The following XIRP2 variants were observed in gnomAD, a reference collection of about 807,000 sequenced individuals.
XIRP2 encodes the protein xin actin-binding repeat-containing protein 2.
Under a neutral mutation model 277.0 loss-of-function variants are expected in XIRP2, and 236 were observed. The ratio of observed to expected loss-of-function variants is 0.85; its 90% CI spans 0.77 to 0.95. The LOEUF is 0.95. Among genes scored for constraint, XIRP2 ranks in the 40% least tolerant of loss-of-function variants. XIRP2 has a pLI of 0.00. For missense variants in XIRP2, 4,640 were observed against 4,157.5 expected (o/e 1.12, Z -3.19); for synonymous variants, 1,490 against 1,416.5 (o/e 1.05, Z -1.17).
At chr2:166,946,516 A>G (rs774720891) in intron 2 of XIRP2, among the ~76,000 whole-genome samples, 3 of 152,182 alleles carry the variant, frequency 2.0e-5, no homozygotes, top group Non-Finnish European at 4.4e-5. Flanking sequence ...TAGCAGGGTT[A>G]TAGAAACAAC....
chr2:167,031,464 G>A (rs901861516), intron 2 of XIRP2, among the ~76,000 whole-genome samples: 16 of 152,000 alleles, frequency 1.1e-4, no homozygotes, highest in African/African-American at 1.2e-4. Context: ...GCTTAGTTTC[G>A]CTGGATATGA....
intron 2 of XIRP2, among the ~76,000 whole-genome samples, chr2:167,093,689 G>T (rs1336674179): frequency 1.3e-5 from 2 of 152,078 alleles, no homozygotes; most frequent in African/African-American, 4.8e-5. Flanking sequence ...GTGTATATGT[G>T]CCACATTTTC....
At chr2:167,172,568 C>A (rs1167383759) in intron 3 of XIRP2, among the ~76,000 whole-genome samples, 1 of 152,140 alleles carries the variant, frequency 6.6e-6, no homozygotes, top group African/African-American at 2.4e-5. Context: ...TAGAGGCCTA[C>A]CCCTAGGAAC....
At chr2:167,028,565 T>C (rs1334553881) in intron 2 of XIRP2, among the ~76,000 whole-genome samples, 1 of 151,912 alleles carries the variant, frequency 6.6e-6, no homozygotes, top group Non-Finnish European at 1.5e-5. Flanking sequence ...CTCAATTCCA[T>C]TTAAATATTT....
At chr2:166,944,361 A>G (rs1484355093) in intron 2 of XIRP2, among the ~76,000 whole-genome samples, 3 of 152,216 alleles carry the variant, frequency 2.0e-5, no homozygotes, top group Non-Finnish European at 2.9e-5. Flanking sequence ...GCCTCATAGA[A>G]GTCAACTTGT....
chr2:167,030,893 A>C (rs1481301896), intron 2 of XIRP2, among the ~76,000 whole-genome samples: 1 of 151,860 alleles, frequency 6.6e-6, no homozygotes, highest in Non-Finnish European at 1.5e-5. Context: ...GTGCATATAT[A>C]TTTTGGAGTG....
intron 2 of XIRP2, among the ~76,000 whole-genome samples, chr2:166,916,328 T>C (rs1191930629): frequency 6.6e-6 from 1 of 152,180 alleles, no homozygotes; most frequent in East Asian, 1.9e-4. Context: ...CAAGCAGTAC[T>C]TCTTCTCAGG....
intron 2 of XIRP2, among the ~76,000 whole-genome samples, chr2:166,927,633 A>G (rs1558918863): frequency 6.6e-6 from 1 of 152,084 alleles, no homozygotes. Context: ...TTTGTTTATT[A>G]CAGTGGGACA....
At chr2:167,087,184 C>T (rs1689978958) in intron 2 of XIRP2, among the ~76,000 whole-genome samples, 1 of 152,110 alleles carries the variant, frequency 6.6e-6, no homozygotes, top group African/African-American at 2.4e-5. Flanking sequence ...AGCTGCAGGT[C>T]TGTTGGAATA....
chr2:167,217,159 G>C (rs1040383610), intron 4 of XIRP2, among the ~76,000 whole-genome samples: 1 of 148,990 alleles, frequency 6.7e-6, no homozygotes, highest in Non-Finnish European at 1.5e-5. Flanking sequence ...GGAAGGGGTA[G>C]CATTGGGAGA....
chr2:167,131,272 T>G (rs1233425519), intron 2 of XIRP2, among the ~76,000 whole-genome samples: 1 of 152,220 alleles, frequency 6.6e-6, no homozygotes, highest in Non-Finnish European at 1.5e-5. Flanking sequence ...CTCAGGAATT[T>G]TCCTTCACTG....
chr2:167,033,899 A>C (rs1283445646), intron 2 of XIRP2, among the ~76,000 whole-genome samples: 3 of 152,210 alleles, frequency 2.0e-5, no homozygotes, highest in Non-Finnish European at 4.4e-5. Flanking sequence ...ATCTGAAAGA[A>C]AAGGATGTTA....
intron 5 of XIRP2, among the ~76,000 whole-genome samples, chr2:167,223,755 G>A (rs1471565289): frequency 6.6e-6 from 1 of 152,090 alleles, no homozygotes; most frequent in African/African-American, 2.4e-5. Flanking sequence ...CAACATACAA[G>A]GTTGTGACCA....
At chr2:166,907,593 G>A (rs1010478386) in intron 2 of XIRP2, among the ~76,000 whole-genome samples, 4 of 151,218 alleles carry the variant, frequency 2.6e-5, no homozygotes, top group Non-Finnish European at 5.9e-5. Context: ...TTACCCAGAT[G>A]TATGGACAGG....
intron 6 of XIRP2, among the ~76,000 whole-genome samples, chr2:167,240,401 C>G (rs1695028322): frequency 6.6e-6 from 1 of 152,070 alleles, no homozygotes; most frequent in African/African-American, 2.4e-5. Context: ...GGTGACAGTG[C>G]AAGACTCCTT....
At position 167,211,375 on chromosome 2, in the gene XIRP2, A is replaced by G. The variant is rs151309743; in HGVS notation, c.723+480A>G. ...CTCCCAAAGTGCTGGGATTACAGGC[A>G]TGAGCCACTGTGCCCAGCCCTGAAC... On this transcript the variant is annotated intron_variant, in intron 4 of 10. Transcript: ENST00000409195. 7.2e-5 allele frequency among the ~76,000 whole-genome samples: 11 copies of G among 152,256 alleles called. No homozygotes were observed. The South Asian group carries it at 2.3e-3, about 32-fold the overall frequency.
intron 3 of XIRP2, among the ~76,000 whole-genome samples, chr2:167,143,381 C>A (rs182036686): frequency 6.6e-6 from 1 of 151,972 alleles, no homozygotes; most frequent in African/African-American, 2.4e-5. Flanking sequence ...GTTTTTGAAG[C>A]ATGACTGGGA....
Position 167,243,969 on chromosome 2 carries a change from A to G in XIRP2, c.2577A>G (p.Ala859=), listed in dbSNP as rs1695163403. ...ACATTCTAAAAGAAGTTCCTGATGC[A>G]GATTCTCTACAACGTGAGGAGATAA... ...PLDILKEVPD[A]DSLQREEIIG... Residue 859 remains alanine (A), a synonymous_variant, in exon 9 of 11, where the codon GCA becomes GCG. Coordinates refer to ENST00000409195, the MANE Select transcript of XIRP2 (RefSeq NM_152381.6). The G allele has an allele frequency of 6.2e-7, 1 of 1,613,954 alleles. No individual in the cohort carries two copies. Among genetic ancestry groups the G allele is most frequent in the Non-Finnish European group, 8.5e-7 (1 of 1,179,976 alleles).
At chr2:167,161,523 C>T (rs1228822038) in intron 3 of XIRP2, among the ~76,000 whole-genome samples, 1 of 152,196 alleles carries the variant, frequency 6.6e-6, no homozygotes, top group Non-Finnish European at 1.5e-5. Context: ...AGGCTTGGGA[C>T]TTGCACCCTC....
Sources: gnomAD v4.1 joint callset for allele counts (sites outside exome capture counted in the v4.1 genomes callset) on GRCh38, gnomAD v4.1.1 for gene constraint, MANE v1.5 for transcripts, NCBI Gene and HGNC (gene_info 2026-07-23, HGNC 2026-07-21) for gene names.